The following KCNMB4 variants were observed in gnomAD, a reference collection of about 807,000 sequenced individuals.
KCNMB4 encodes potassium calcium-activated channel subfamily M regulatory beta subunit 4.
Under a neutral mutation model 20.7 loss-of-function variants are expected in KCNMB4, and 3 were observed. The observed-to-expected ratio is 0.14, with a 90% CI of 0.07 to 0.37. The LOEUF is 0.37. Among genes scored for constraint, KCNMB4 ranks in the 10% least tolerant of loss-of-function variants. The probability of loss-of-function intolerance (pLI) is 1.00; values close to 1 mark genes in which losing one functional copy is unlikely to be tolerated. For missense variants in KCNMB4, 168 were observed against 265.9 expected (o/e 0.63, Z 2.56); for synonymous variants, 110 against 113.4 (o/e 0.97, Z 0.19).
rs745499444 is a variant in KCNMB4 at position 70,366,964 on chromosome 12, G to A, written c.230G>A (p.Arg77Lys). 1.2e-6 allele frequency: 2 copies of A among 1,609,696 alleles called. No individual in the cohort carries two copies. Among genetic ancestry groups the A allele is most frequent in the Non-Finnish European group, 1.7e-6 (2 of 1,178,090 alleles). ...ECTFTCGADCRGTSQYPCVQV... is the reference protein window; with the variant it reads ...ECTFTCGADCKGTSQYPCVQV... Reference sequence around the variant, plus strand: ...ACCTTCACCTGTGGCGCCGACTGCAGGGGCACCTCGCAGTACCCCTGCGTC... The same window carrying A: ...ACCTTCACCTGTGGCGCCGACTGCAAGGGCACCTCGCAGTACCCCTGCGTC... Residue 77 changes from arginine (R) to lysine (K), a missense_variant, in exon 1 of 3, where the codon AGG becomes AAG. Physicochemically the swap from Arg to Lys is conservative, Grantham distance 26. Coordinates refer to ENST00000258111, the MANE Select transcript of KCNMB4 (RefSeq NM_014505.6).
In KCNMB4 at chr12:70,431,164, AC is replaced by A. The variant is rs1485853578; in HGVS notation, c.*514del. ...GCTGAAGTCTGAACCTTACTGTGTAACCCTCAGTTTCCACTATTAAAGAGTA... is the reference window on the plus strand; with the variant it reads ...GCTGAAGTCTGAACCTTACTGTGTAACCTCAGTTTCCACTATTAAAGAGTA... On this transcript the variant is annotated 3_prime_UTR_variant, in exon 3 of 3. Transcript: ENST00000258111. 1 of 152,110 alleles carries A rather than the reference AC, an allele frequency of 6.6e-6. No homozygotes were observed. The highest frequency in any genetic ancestry group is 1.5e-5 in the Non-Finnish European group (1 of 68,054). The allele number at this position is 152,110 out of a possible 1,614,324, so 9.4% of individuals were successfully genotyped here. A position where few individuals can be genotyped will look rare whatever the true frequency, so the allele number is the denominator to read the frequency against.
At chr12:70,417,091 G>T (rs1868931514) in intron 2 of KCNMB4, among the ~76,000 whole-genome samples, 1 of 152,188 alleles carries the variant, frequency 6.6e-6, no homozygotes, top group African/African-American at 2.4e-5. Flanking sequence ...CTATAGAAAA[G>T]AAAATAAATT....
At chr12:70,389,741 C>G (rs182683778) in intron 1 of KCNMB4, among the ~76,000 whole-genome samples, 200 of 152,124 alleles carry the variant, frequency 1.3e-3, no homozygotes, top group East Asian at 1.4e-3. Flanking sequence ...CTTGCTGGGC[C>G]CCATCTGCCT....
intron 1 of KCNMB4, among the ~76,000 whole-genome samples, chr12:70,399,932 T>C (rs1868408349): frequency 6.6e-6 from 1 of 152,190 alleles, no homozygotes; most frequent in African/African-American, 2.4e-5. Context: ...GCTTTTAATT[T>C]GCTATTACAT....
chr12:70,405,666 TTGACTCTTCAAGATCC>T, intron 2 of KCNMB4, among the ~76,000 whole-genome samples: 1 of 152,318 alleles, frequency 6.6e-6, no homozygotes, highest in African/African-American at 2.4e-5. Context: ...AATCAGGATC[TTGACTCTTCAAGATCC>T]TGAAGAGCAC....
intron 2 of KCNMB4, 58 bp downstream of exon 2, chr12:70,400,394 C>T: frequency 1.3e-6 from 2 of 1,545,290 alleles, no homozygotes; most frequent in Non-Finnish European, 1.7e-6. Context: ...CAGCTTATTA[C>T]ACTGTTATAT....
Position 70,390,235 on chromosome 12 carries a change from G to A in KCNMB4, c.337-9974G>A, listed in dbSNP as rs146237652. On this transcript the variant is annotated intron_variant, in intron 1 of 2. Transcript: ENST00000258111. The stretch of plus-strand genomic sequence containing the variant: ...GATTAACAACTGCATTTTAGCACAA[G>A]ATGGGGCAGGTGGTGGTATAAAAAG... 2.8e-3 allele frequency among the ~76,000 whole-genome samples: 429 copies of A among 152,290 alleles called. 1 individual carries two copies. The highest frequency in any genetic ancestry group is 8.7e-3 in the African/African-American group (363 of 41,564).
intron 1 of KCNMB4, among the ~76,000 whole-genome samples, chr12:70,392,497 G>A (rs986460303): frequency 1.3e-5 from 2 of 152,112 alleles, no homozygotes; most frequent in African/African-American, 4.8e-5. Flanking sequence ...TATACCCAAA[G>A]GATTATAAAT....
chr12:70,370,107 G>A (rs573976997), intron 1 of KCNMB4, among the ~76,000 whole-genome samples: 2 of 152,056 alleles, frequency 1.3e-5, no homozygotes, highest in African/African-American at 4.8e-5. Flanking sequence ...CTTGGGTGGG[G>A]CCTGGGCATT....
intron 2 of KCNMB4, among the ~76,000 whole-genome samples, chr12:70,401,463 C>T (rs1460379310): frequency 6.6e-6 from 1 of 152,162 alleles, no homozygotes; most frequent in African/African-American, 2.4e-5. Context: ...TGGACCCACT[C>T]CAAGCCACTC....
chr12:70,422,515 C>G (rs1869092635), intron 2 of KCNMB4, among the ~76,000 whole-genome samples: 1 of 152,216 alleles, frequency 6.6e-6, no homozygotes, highest in African/African-American at 2.4e-5. Context: ...AATGCAGTTT[C>G]TTAGATCTGA....
At chr12:70,422,884 G>T in intron 2 of KCNMB4, 1 of 1,132,950 alleles carries the variant, frequency 8.8e-7, no homozygotes, top group Middle Eastern at 2.5e-4. Flanking sequence ...TATTACTCTG[G>T]GAGCACAGAG....
chr12:70,414,282 A>C (rs1192016491), intron 2 of KCNMB4, among the ~76,000 whole-genome samples: 1 of 152,198 alleles, frequency 6.6e-6, no homozygotes, highest in Non-Finnish European at 1.5e-5. Context: ...AATGCCACTA[A>C]ATTGTGAGTC....
At position 70,423,096 on chromosome 12, in the gene KCNMB4, T is replaced by A. The variant is rs1279751579; in HGVS notation, c.465-7389T>A. Among the ~76,000 whole-genome samples, 10 of 152,332 alleles carry A rather than the reference T, an allele frequency of 6.6e-5. No homozygotes were observed. The East Asian group carries it at 1.9e-3, about 29-fold the overall frequency. On this transcript the variant is annotated intron_variant, in intron 2 of 2. Transcript: ENST00000258111. ...TTCTATTTGTAGTCCTAATCATGGG[T>A]CTAGTGCTACTGAATTATTTTTTTC...
In KCNMB4 at chr12:70,434,129, C is replaced by G. The variant is rs1565870376; in HGVS notation, c.*3476C>G. ...CCTCCTTTGGCCCCAGCAGGAAGTT[C>G]AAATCACGCAAGCCCTGGCATGCAT... is the stretch of plus-strand genomic sequence containing the variant. On this transcript the variant is annotated 3_prime_UTR_variant, in exon 3 of 3. Coordinates refer to ENST00000258111, the MANE Select transcript of KCNMB4 (RefSeq NM_014505.6). The G allele has an allele frequency of 6.6e-6, 1 of 152,218 alleles. No individual in the cohort carries two copies. Among genetic ancestry groups the G allele is most frequent in the Non-Finnish European group, 1.5e-5 (1 of 68,108 alleles). 9.4% of individuals were successfully genotyped at this position (152,218 alleles called of 1,614,324 possible).
At chr12:70,392,260 C>A (rs867774125) in intron 1 of KCNMB4, among the ~76,000 whole-genome samples, 1 of 152,112 alleles carries the variant, frequency 6.6e-6, no homozygotes, top group African/African-American at 2.4e-5. Flanking sequence ...AAATGCAAAT[C>A]AAAACCACAA....
intron 2 of KCNMB4, among the ~76,000 whole-genome samples, chr12:70,413,308 T>A (rs7974217): frequency 0.13 from 20,315 of 152,182 alleles, 1,524 homozygotes; most frequent in East Asian, 0.24. Context: ...GCATTAAAGT[T>A]AAGAATTTGA....
rs1869433729 is a variant in KCNMB4 at position 70,434,002 on chromosome 12, A to C, written c.*3349A>C. On this transcript the variant is annotated 3_prime_UTR_variant, in exon 3 of 3. Transcript: ENST00000258111. ...TTCATTTGACTGTAATAAAGACGTC[A>C]ATGCCGTTTTTAATGTTTGACTGCT... 1 of 152,178 alleles carries C rather than the reference A, an allele frequency of 6.6e-6. No individual in the cohort carries two copies. Among genetic ancestry groups the C allele is most frequent in the African/African-American group, 2.4e-5 (1 of 41,436 alleles). 9.4% of individuals were successfully genotyped at this position (152,178 alleles called of 1,614,324 possible).
At chr12:70,367,721 C>T (rs186686582) in intron 1 of KCNMB4, among the ~76,000 whole-genome samples, 22 of 152,074 alleles carry the variant, frequency 1.4e-4, no homozygotes, top group Non-Finnish European at 2.5e-4. Flanking sequence ...CTACAGGGAG[C>T]CTAGTTACCC....
Sources: gnomAD v4.1 joint callset for allele counts (sites outside exome capture counted in the v4.1 genomes callset) on GRCh38, gnomAD v4.1.1 for gene constraint, MANE v1.5 for transcripts, NCBI Gene and HGNC (gene_info 2026-07-23, HGNC 2026-07-21) for gene names.